LRRTM4: variants seen among roughly 807,000 people sequenced by gnomAD.
LRRTM4 encodes the protein leucine rich repeat transmembrane neuronal 4, also known as leucine-rich repeat transmembrane neuronal protein 4.
Under a neutral mutation model 47.6 loss-of-function variants are expected in LRRTM4, and 25 were observed. That is an observed-to-expected ratio of 0.53 (90% CI 0.38 to 0.73). The LOEUF (loss-of-function observed/expected upper bound fraction) is 0.73, where lower values mean the gene tolerates loss of function less well. Ranked by LOEUF, LRRTM4 falls within the 30% of genes least tolerant of loss-of-function variation. LRRTM4 has a pLI of 0.00. For synonymous variants in LRRTM4, 311 were observed against 269.5 expected (o/e 1.15, Z -1.51); for missense variants, 638 against 713.4 (o/e 0.89, Z 1.20).
chr2:77,360,543 ATCAT>A lies in LRRTM4; in HGVS notation c.1551+157771_1551+157774del, dbSNP rs1162780563. Among the ~76,000 whole-genome samples the A allele has an allele frequency of 1.3e-4, 18 of 137,692 alleles. 1 individual carries two copies. The highest frequency in any genetic ancestry group is 1.7e-4 in the Non-Finnish European group (11 of 64,168). 90.3% of individuals were successfully genotyped at this position (137,692 alleles called of 152,430 possible). A position where few individuals can be genotyped will look rare whatever the true frequency, so the allele number is the denominator to read the frequency against. ...ATACGATACGATACGATACAATACAATCATTCATACATACATACATACATACATA... is the reference window on the plus strand; with the variant it reads ...ATACGATACGATACGATACAATACAATCATACATACATACATACATACATA... On this transcript the variant is annotated intron_variant, in intron 3 of 3. Transcript: ENST00000409884.
At chr2:76,919,066 C>A (rs60183133) in intron 3 of LRRTM4, among the ~76,000 whole-genome samples, 58,587 of 151,912 alleles carry the variant, frequency 0.39, 12,486 homozygotes, top group East Asian at 0.72. Context: ...AATCTTTCCT[C>A]GAAGAGTCAC....
At chr2:76,884,475 G>T (rs527315475) in intron 3 of LRRTM4, among the ~76,000 whole-genome samples, 3 of 152,226 alleles carry the variant, frequency 2.0e-5, no homozygotes, top group African/African-American at 7.2e-5. Context: ...ATAATTACAT[G>T]TAAGTATCTT....
At chr2:77,139,415 A>C (rs748452965) in intron 3 of LRRTM4, among the ~76,000 whole-genome samples, 1 of 152,194 alleles carries the variant, frequency 6.6e-6, no homozygotes, top group Non-Finnish European at 1.5e-5. Flanking sequence ...ACTTTGACAA[A>C]ATTCAACAGC....
At chr2:77,093,436 A>G (rs1670711076) in intron 3 of LRRTM4, among the ~76,000 whole-genome samples, 1 of 151,366 alleles carries the variant, frequency 6.6e-6, no homozygotes, top group African/African-American at 2.5e-5. Flanking sequence ...CAATCATTCT[A>G]TACGACAAAT....
intron 3 of LRRTM4, among the ~76,000 whole-genome samples, chr2:77,138,139 C>G (rs546002243): frequency 6.6e-6 from 1 of 152,308 alleles, no homozygotes; most frequent in South Asian, 2.1e-4. Flanking sequence ...TAGACATCTA[C>G]AGAACTCTGT....
intron 3 of LRRTM4, among the ~76,000 whole-genome samples, chr2:76,905,017 G>C (rs574442775): frequency 1.2e-4 from 19 of 152,218 alleles, no homozygotes; most frequent in African/African-American, 3.4e-4. Context: ...AACGCAGCTG[G>C]AGATCTGAGA....
At chr2:76,881,000 G>C (rs1266068954) in intron 3 of LRRTM4, among the ~76,000 whole-genome samples, 1 of 152,146 alleles carries the variant, frequency 6.6e-6, no homozygotes, top group South Asian at 2.1e-4. Flanking sequence ...ATTACAGTTA[G>C]ATAGGAGGAT....
At chr2:76,885,463 T>TTC (rs1432181805) in intron 3 of LRRTM4, among the ~76,000 whole-genome samples, 24 of 71,994 alleles carry the variant, frequency 3.3e-4, no homozygotes, top group African/African-American at 2.2e-3. Flanking sequence ...AAAAACATGC[T>TTC]TTTTTTTTTT....
At chr2:76,940,120 C>T (rs1675085867) in intron 3 of LRRTM4, among the ~76,000 whole-genome samples, 1 of 151,988 alleles carries the variant, frequency 6.6e-6, no homozygotes, top group Admixed American at 6.6e-5. Context: ...AATGTTCAAC[C>T]CAGCAACCCC....
chr2:77,169,203 A>G (rs992604573), intron 3 of LRRTM4, among the ~76,000 whole-genome samples: 3 of 152,152 alleles, frequency 2.0e-5, no homozygotes, highest in Non-Finnish European at 2.9e-5. Context: ...TATTTAATAT[A>G]GTACTGGCAG....
intron 3 of LRRTM4, among the ~76,000 whole-genome samples, chr2:76,750,179 T>A (rs1015429317): frequency 6.6e-6 from 1 of 152,230 alleles, no homozygotes. Context: ...GCTATATCAA[T>A]TTATTCCCAC....
chr2:77,114,033 G>C (rs1338837783), intron 3 of LRRTM4, among the ~76,000 whole-genome samples: 2 of 152,122 alleles, frequency 1.3e-5, no homozygotes, highest in Admixed American at 1.3e-4. Flanking sequence ...ATCATCAGGT[G>C]GGGGAGGAGT....
At chr2:76,924,601 A>T (rs139201797) in intron 3 of LRRTM4, among the ~76,000 whole-genome samples, 1 of 152,292 alleles carries the variant, frequency 6.6e-6, no homozygotes, top group Non-Finnish European at 1.5e-5. Flanking sequence ...CTTCTTTTAA[A>T]AATGCACATT....
At chr2:77,202,646 T>G (rs1277698377) in intron 3 of LRRTM4, among the ~76,000 whole-genome samples, 1 of 151,976 alleles carries the variant, frequency 6.6e-6, no homozygotes, top group Non-Finnish European at 1.5e-5. Context: ...ATCCAAGCTT[T>G]GTAACTCACT....
At chr2:77,257,589 A>G (rs1015564892) in intron 3 of LRRTM4, among the ~76,000 whole-genome samples, 4 of 152,232 alleles carry the variant, frequency 2.6e-5, no homozygotes, top group Admixed American at 6.6e-5. Flanking sequence ...AAAACTTTTT[A>G]TATACTTTTC....
intron 3 of LRRTM4, among the ~76,000 whole-genome samples, chr2:76,888,357 T>C (rs954989039): frequency 2.6e-5 from 4 of 151,382 alleles, no homozygotes; most frequent in Non-Finnish European, 5.9e-5. Context: ...ATTGTACGTA[T>C]ATATTTAGAG....
intron 3 of LRRTM4, among the ~76,000 whole-genome samples, chr2:77,407,702 T>C (rs950073106): frequency 8.0e-5 from 10 of 124,722 alleles, no homozygotes; most frequent in African/African-American, 2.7e-4. Context: ...ATATGATATA[T>C]ATAATATATC....
intron 3 of LRRTM4, among the ~76,000 whole-genome samples, chr2:77,002,456 T>G (rs1677469154): frequency 6.6e-6 from 1 of 152,152 alleles, no homozygotes; most frequent in Non-Finnish European, 1.5e-5. Context: ...TGGGTCTGTT[T>G]CCCCATAACC....
intron 3 of LRRTM4, among the ~76,000 whole-genome samples, chr2:76,996,749 T>C (rs1677216669): frequency 6.6e-6 from 1 of 151,758 alleles, no homozygotes; most frequent in African/African-American, 2.4e-5. Flanking sequence ...AAAAGTTTCC[T>C]CACAATCTGC....
Sources: allele counts gnomAD v4.1 joint callset (sites outside exome capture counted in the v4.1 genomes callset), GRCh38; gene constraint gnomAD v4.1.1; transcripts MANE v1.5; gene names NCBI Gene and HGNC (gene_info 2026-07-23, HGNC 2026-07-21).